AGO4: variants seen among roughly 807,000 people sequenced by gnomAD.
AGO4 encodes protein argonaute-4.
Under a neutral mutation model 104.7 loss-of-function variants are expected in AGO4, and 33 were observed. The ratio of observed to expected loss-of-function variants is 0.32; its 90% CI spans 0.24 to 0.42. The LOEUF (loss-of-function observed/expected upper bound fraction) is 0.42. Among genes scored for constraint, AGO4 ranks in the 10% least tolerant of loss-of-function variants. The pLI, the probability that AGO4 is intolerant of heterozygous loss-of-function variation, is 1.00. For missense variants in AGO4, 711 were observed against 1,083.4 expected (o/e 0.66, Z 4.83); for synonymous variants, 331 against 364.7 (o/e 0.91, Z 1.05).
intron 10 of AGO4, 86 bp from the exon 11 acceptor site, chr1:35,832,351 A>G (rs1036148230): frequency 3.3e-5 from 50 of 1,494,566 alleles, no homozygotes; most frequent in Admixed American, 2.5e-5. Flanking sequence ...TCACTAGTCA[A>G]TAGTAAAATG....
intron 6 of AGO4, among the ~76,000 whole-genome samples, chr1:35,826,394 A>C (rs1199192747): frequency 6.6e-6 from 1 of 152,198 alleles, no homozygotes; most frequent in African/African-American, 2.4e-5. Flanking sequence ...AAATTCATTT[A>C]TTATCCTTCT....
chr1:35,809,085 A>C (rs760278318), intron 1 of AGO4, among the ~76,000 whole-genome samples: 2 of 152,224 alleles, frequency 1.3e-5, no homozygotes, highest in Admixed American at 1.3e-4. Context: ...AGGAGTTGCC[A>C]GTCAGTCTGC....
Position 35,815,618 on chromosome 1 carries a change from A to C in AGO4, c.20-1264A>C, listed in dbSNP as rs188679136. On this transcript the variant is annotated intron_variant, in intron 1 of 17. Transcript: ENST00000373210. ...TATGCAAGGTTTCTTTAACTTATAG[A>C]ATCTTTTCTTTTTTGAAATAGTTTG... 7.2e-5 allele frequency among the ~76,000 whole-genome samples: 11 copies of C among 152,256 alleles called. 1 individual carries two copies. The highest frequency in any genetic ancestry group is 7.2e-4 in the Admixed American group (11 of 15,282).
chr1:35,812,501 A>T (rs185396816), intron 1 of AGO4, among the ~76,000 whole-genome samples: 4 of 152,336 alleles, frequency 2.6e-5, no homozygotes, highest in Admixed American at 2.0e-4. Context: ...TCTAGTTAGT[A>T]TTTAAACTCA....
Position 35,841,123 on chromosome 1 carries a change from A to G in AGO4, c.1725-42A>G. The stretch of plus-strand genomic sequence containing the variant: ...AATCTTGCTAAACTCAAACATTTTC[A>G]CTTATATGTCTGAGTGGCAACATCT... On this transcript the variant is annotated intron_variant, in intron 13 of 17. Coordinates refer to ENST00000373210, the MANE Select transcript of AGO4 (RefSeq NM_017629.4). The surrounding 1 kb of genome is among the most constrained non-coding windows in gnomAD (Gnocchi z 4.7). The G allele has an allele frequency of 8.9e-6, 14 of 1,574,088 alleles. No individual in the cohort carries two copies. Among genetic ancestry groups the G allele is most frequent in the Non-Finnish European group, 1.0e-5 (12 of 1,151,016 alleles).
chr1:35,852,978 C>T (rs1278750889), intron 17 of AGO4, among the ~76,000 whole-genome samples: 4 of 152,262 alleles, frequency 2.6e-5, no homozygotes, highest in East Asian at 1.9e-4. Context: ...TGGCCTGGCG[C>T]GGTGGCTCAC....
intron 2 of AGO4, among the ~76,000 whole-genome samples, chr1:35,818,825 C>G (rs1327500525): frequency 6.6e-6 from 1 of 152,142 alleles, no homozygotes; most frequent in Non-Finnish European, 1.5e-5. Flanking sequence ...GCATTCATAA[C>G]ACTTTGTCAT....
intron 15 of AGO4, among the ~76,000 whole-genome samples, chr1:35,848,313 G>C (rs763121905): frequency 6.6e-6 from 1 of 152,168 alleles, no homozygotes; most frequent in Non-Finnish European, 1.5e-5. Flanking sequence ...GGGGTATTTG[G>C]AGTGTTTCCT....
rs752255596 is a variant in AGO4, at chr1:35,853,535, G to A, written c.2516G>A (p.Arg839Gln). The change falls in exon 18 of 18, where the codon CGG (arginine) becomes CAG (glutamine). Residue 839 changes from arginine to glutamine, a missense_variant. Arg to Gln is a conservative substitution (Grantham distance 43). Around this residue, in one of 3 missense-constraint regions of AGO4, gnomAD observed 401 missense variants for 665.5 expected, o/e 0.60. Coordinates refer to ENST00000373210, the MANE Select transcript of AGO4 (RefSeq NM_017629.4). ...GSHVSGQSNG[R>Q]DPQALAKAVQ... The stretch of plus-strand genomic sequence containing the variant: ...CATGTGTCAGGACAGAGCAACGGCC[G>A]GGATCCTCAGGCCTTGGCTAAGGCT... 3.7e-6 allele frequency: 6 copies of A among 1,613,650 alleles called. No homozygotes were observed. The highest frequency in any genetic ancestry group is 2.7e-5 in the African/African-American group (2 of 74,842).
intron 2 of AGO4, among the ~76,000 whole-genome samples, chr1:35,819,918 G>A (rs2148655920): frequency 6.6e-6 from 1 of 152,212 alleles, no homozygotes; most frequent in African/African-American, 2.4e-5. Context: ...CATGAGACTG[G>A]ATGAGATTAT....
At chr1:35,809,469 C>A (rs1263598913) in intron 1 of AGO4, among the ~76,000 whole-genome samples, 1 of 152,128 alleles carries the variant, frequency 6.6e-6, no homozygotes, top group Non-Finnish European at 1.5e-5. Flanking sequence ...AAACTTGGCA[C>A]GTTTGTTTAC....
chr1:35,825,165 T>C (rs1643984699), intron 3 of AGO4, 148 bp from the exon 4 acceptor site: 1 of 720,750 alleles, frequency 1.4e-6, no homozygotes, highest in Non-Finnish European at 2.2e-6. Context: ...CCCCTACTCA[T>C]GGACACTAAG....
chr1:35,850,274 G>A lies in AGO4; in HGVS notation c.2277+16G>A. ...AGGAATTCAGGTAATTTGGAAGCTG[G>A]TTCAGATCTTTGACTTGATAGGGAG... is the stretch of plus-strand genomic sequence containing the variant. On this transcript the variant is annotated intron_variant, in intron 16 of 17. Coordinates refer to ENST00000373210, the MANE Select transcript of AGO4 (RefSeq NM_017629.4). 1 of 1,596,900 alleles carries A rather than the reference G, an allele frequency of 6.3e-7. No homozygotes were observed. The highest frequency in any genetic ancestry group is 8.6e-7 in the Non-Finnish European group (1 of 1,164,380).
rs1287114293 is a variant in AGO4, at chr1:35,838,706, G to C, written c.1725-2459G>C. ...CTGGGCATTGGGAGATTTGAGTATTGTTACGCATGTGAATTTCTAATATCT... is the reference window on the plus strand; with the variant it reads ...CTGGGCATTGGGAGATTTGAGTATTCTTACGCATGTGAATTTCTAATATCT... On this transcript the variant is annotated intron_variant, in intron 13 of 17. Coordinates refer to ENST00000373210, the MANE Select transcript of AGO4 (RefSeq NM_017629.4). Among the ~76,000 whole-genome samples the C allele has an allele frequency of 2.6e-5, 4 of 152,104 alleles. 1 individual carries two copies.
chr1:35,826,119 G>A, intron 6 of AGO4, 59 bp downstream of exon 6: 2 of 1,592,760 alleles, frequency 1.3e-6, no homozygotes, highest in South Asian at 2.2e-5. Flanking sequence ...CACGTTGCCT[G>A]TGCTCTGGAG....
At position 35,841,125 on chromosome 1, in the gene AGO4, T is replaced by G. The variant is rs1196639648; in HGVS notation, c.1725-40T>G. The G allele has an allele frequency of 1.3e-6, 2 of 1,580,902 alleles. No individual in the cohort carries two copies. The highest frequency in any genetic ancestry group is 1.7e-6 in the Non-Finnish European group (2 of 1,155,328). ...TCTTGCTAAACTCAAACATTTTCAC[T>G]TATATGTCTGAGTGGCAACATCTCC... On this transcript the variant is annotated intron_variant, in intron 13 of 17. Coordinates refer to ENST00000373210, the MANE Select transcript of AGO4 (RefSeq NM_017629.4). This position sits in a 1 kb window ranked among gnomAD's most constrained non-coding sequence, Gnocchi z 4.7.
chr1:35,829,441 C>T (rs1050641218), intron 7 of AGO4, among the ~76,000 whole-genome samples: 9 of 152,054 alleles, frequency 5.9e-5, no homozygotes, highest in Non-Finnish European at 1.0e-4. Context: ...GACTTATAGA[C>T]GTATATAATC....
At chr1:35,832,384 CTCTTT>C (rs1020491335) in intron 10 of AGO4, 48 bp from the exon 11 acceptor site, 9 of 1,517,696 alleles carry the variant, frequency 5.9e-6, no homozygotes, top group African/African-American at 2.8e-5. Context: ...AATGTCTTTT[CTCTTT>C]TCTTTTGTTT....
At chr1:35,852,370 G>T (rs1644722725) in intron 17 of AGO4, among the ~76,000 whole-genome samples, 3 of 152,332 alleles carry the variant, frequency 2.0e-5, no homozygotes, top group Non-Finnish European at 1.5e-5. Flanking sequence ...TTTACAGCTT[G>T]TCAAGCCCTT....
Sources: allele counts gnomAD v4.1 joint callset (sites outside exome capture counted in the v4.1 genomes callset), GRCh38; gene constraint gnomAD v4.1.1; regional missense constraint gnomAD v4.1.1; non-coding constraint Gnocchi (gnomAD v3.1); transcripts MANE v1.5; gene names NCBI Gene and HGNC (gene_info 2026-07-23, HGNC 2026-07-21).